SMC1B: variants seen among roughly 807,000 people sequenced by gnomAD.
The protein encoded by SMC1B is structural maintenance of chromosomes 1B, also known as structural maintenance of chromosomes protein 1B.
Under a neutral mutation model 157.9 loss-of-function variants are expected in SMC1B, and 60 were observed. The observed-to-expected ratio is 0.38, with a 90% CI of 0.31 to 0.47. The LOEUF (loss-of-function observed/expected upper bound fraction) is 0.47. Ranked by LOEUF, SMC1B falls within the 20% of genes least tolerant of loss-of-function variation. The probability of loss-of-function intolerance (pLI) is 0.99; values close to 1 mark genes in which losing one functional copy is unlikely to be tolerated. For missense variants in SMC1B, 1,165 were observed against 1,426.2 expected (o/e 0.82, Z 2.95); for synonymous variants, 445 against 483.0 (o/e 0.92, Z 1.03).
chr22:45,372,311 A>G lies in SMC1B; in HGVS notation c.2059-19T>C, dbSNP rs775975108. On this transcript the variant is annotated intron_variant, in intron 12 of 24. Transcript: ENST00000357450. Reference sequence around the variant, plus strand: ...TTAAACCCTAAAAGGAAAGAAAAACATGAGAATATTTTATGATAGAAAAGC... The same window carrying G: ...TTAAACCCTAAAAGGAAAGAAAAACGTGAGAATATTTTATGATAGAAAAGC... 3 of 1,564,238 alleles carry G rather than the reference A, an allele frequency of 1.9e-6. No homozygotes were observed. Among genetic ancestry groups the G allele is most frequent in the Non-Finnish European group, 2.6e-6 (3 of 1,160,888 alleles).
chr22:45,371,249 G>C (rs890413317), intron 14 of SMC1B, among the ~76,000 whole-genome samples: 1 of 152,208 alleles, frequency 6.6e-6, no homozygotes, highest in Admixed American at 6.5e-5. Context: ...GTGCAGAGGA[G>C]AGTAGGCACA....
chr22:45,413,444 G>A lies in SMC1B; in HGVS notation c.109+15C>T, dbSNP rs200792494. The stretch of plus-strand genomic sequence containing the variant: ...GGCGGAGGCGCTCCGGTGGCGCCCT[G>A]AGCTGCTCAGTTACCAGAGCCGTTG... On this transcript the variant is annotated intron_variant, in intron 1 of 24. Transcript: ENST00000357450. The A allele has an allele frequency of 4.4e-6, 7 of 1,587,704 alleles. No homozygotes were observed. The African/African-American group carries it at 9.4e-5, about 21-fold the overall frequency.
At chr22:45,364,276 C>G (rs754658960) in intron 15 of SMC1B, among the ~76,000 whole-genome samples, 4 of 152,152 alleles carry the variant, frequency 2.6e-5, no homozygotes, top group Admixed American at 6.5e-5. Context: ...ACCCTGCCCC[C>G]CCACCACACC....
intron 9 of SMC1B, among the ~76,000 whole-genome samples, chr22:45,392,967 C>T (rs2087078952): frequency 6.6e-6 from 1 of 152,242 alleles, no homozygotes; most frequent in Admixed American, 6.5e-5. Flanking sequence ...CCCTAGAGTG[C>T]TAGGATTATA....
intron 15 of SMC1B, among the ~76,000 whole-genome samples, chr22:45,365,264 T>C (rs2086764646): frequency 6.6e-6 from 1 of 152,174 alleles, no homozygotes; most frequent in Non-Finnish European, 1.5e-5. Context: ...GCCTTTGAAC[T>C]CCTAACTTGT....
chr22:45,392,677 G>A (rs1046192206), intron 9 of SMC1B, among the ~76,000 whole-genome samples: 37 of 152,010 alleles, frequency 2.4e-4, no homozygotes, highest in African/African-American at 7.7e-4. Flanking sequence ...AACCATGAAA[G>A]TGTGGATATG....
intron 22 of SMC1B, among the ~76,000 whole-genome samples, chr22:45,350,183 G>T (rs1331281623): frequency 6.6e-6 from 1 of 151,514 alleles, no homozygotes; most frequent in Non-Finnish European, 1.5e-5. Context: ...CTGGCCTCAG[G>T]GTTTTAAATA....
Position 45,344,370 on chromosome 22 carries a change from C to G in SMC1B, c.*186G>C. 2.4e-6 allele frequency: 1 copy of G among 415,544 alleles called. No homozygotes were observed. Among genetic ancestry groups the G allele is most frequent in the Non-Finnish European group, 4.3e-6 (1 of 232,036 alleles). The allele number at this position is 415,544 out of a possible 1,614,324, so 25.7% of individuals were successfully genotyped here. Reference sequence around the variant, plus strand: ...CACCAGCTCTCACTGAAAACTTTCCCTACTAGAATGAGGTCTGAACACTCA... The same window carrying G: ...CACCAGCTCTCACTGAAAACTTTCCGTACTAGAATGAGGTCTGAACACTCA... On this transcript the variant is annotated 3_prime_UTR_variant, in exon 25 of 25. Coordinates refer to ENST00000357450, the MANE Select transcript of SMC1B (RefSeq NM_148674.5).
chr22:45,378,672 T>C (rs899261661), intron 12 of SMC1B, among the ~76,000 whole-genome samples: 1 of 152,154 alleles, frequency 6.6e-6, no homozygotes, highest in Non-Finnish European at 1.5e-5. Flanking sequence ...AACTAAACAC[T>C]TAACCTTTCC....
At chr22:45,356,175 A>G (rs1419050081) in intron 19 of SMC1B, among the ~76,000 whole-genome samples, 1 of 151,934 alleles carries the variant, frequency 6.6e-6, no homozygotes. Flanking sequence ...TTTTTTTTGT[A>G]ATGCAGCACA....
Position 45,399,190 on chromosome 22 carries a change from G to C in SMC1B, c.1018C>G (p.Leu340Val), listed in dbSNP as rs1208153882. The C allele has an allele frequency of 1.2e-6, 2 of 1,613,876 alleles. No individual in the cohort carries two copies. The highest frequency in any genetic ancestry group is 1.3e-5 in the African/African-American group (1 of 74,886). Residue 340 changes from leucine to valine, a missense_variant, in exon 6 of 25, where the codon CTG (leucine) becomes GTG (valine). Transcript: ENST00000357450. Reference protein sequence around the residue: ...EDDIKALETELADLDAAWRSF... With the variant: ...EDDIKALETEVADLDAAWRSF... ...CTCCATGCAGCATCTAAATCAGCCA[G>C]CTCTGTCTCCAGGGCTTTTATATCA...
Position 45,403,872 on chromosome 22 carries a change from C to A in SMC1B, c.616-1301G>T, listed in dbSNP as rs141913977. ...CTCTGATCTTTTTTCTTCTCTTGCC[C>A]AAATTTCTATCTAAGGAGCCTGGGG... On this transcript the variant is annotated intron_variant, in intron 4 of 24. Transcript: ENST00000357450. 4.0e-3 allele frequency among the ~76,000 whole-genome samples: 612 copies of A among 152,220 alleles called. 7 individuals carry two copies. The highest frequency in any genetic ancestry group is 0.014 in the African/African-American group (574 of 41,518).
In SMC1B at chr22:45,410,224, T is replaced by C. The variant is rs145246191; in HGVS notation, c.110-1326A>G. Among the ~76,000 whole-genome samples, 191 of 152,342 alleles carry C rather than the reference T, an allele frequency of 1.3e-3. 1 individual carries two copies. Among genetic ancestry groups the C allele is most frequent in the African/African-American group, 4.4e-3 (185 of 41,574 alleles). On this transcript the variant is annotated intron_variant, in intron 1 of 24. Coordinates refer to ENST00000357450, the MANE Select transcript of SMC1B (RefSeq NM_148674.5). ...AAACTATATGTAGAATCCTGTGAGT[T>C]TTCCCAACAAATTACTGAACCTAAG...
At chr22:45,353,953 G>GTAT in intron 21 of SMC1B, 25 bp downstream of exon 21, 1 of 968,976 alleles carries the variant, frequency 1.0e-6, no homozygotes. Flanking sequence ...ATTCTCACTA[G>GTAT]TATTTGAGGA....
In SMC1B at chr22:45,391,511, T is replaced by C. The variant is rs376857614; in HGVS notation, c.1546-1614A>G. 9.8e-5 allele frequency among the ~76,000 whole-genome samples: 15 copies of C among 152,350 alleles called. No homozygotes were observed. The South Asian group carries it at 1.7e-3, about 17-fold the overall frequency. ...TCTTTGTTGTTATTATATGTACCTATAGCTGCCACAGTGATTCTTTTCACT... is the reference window on the plus strand; with the variant it reads ...TCTTTGTTGTTATTATATGTACCTACAGCTGCCACAGTGATTCTTTTCACT... On this transcript the variant is annotated intron_variant, in intron 9 of 24. Transcript: ENST00000357450.
intron 4 of SMC1B, among the ~76,000 whole-genome samples, chr22:45,403,230 A>T (rs1474918978): frequency 5.9e-5 from 9 of 152,178 alleles, no homozygotes; most frequent in Non-Finnish European, 1.0e-4. Flanking sequence ...GTATATTGTG[A>T]TTATTATAGT....
At chr22:45,354,623 T>G (rs971046252) in intron 20 of SMC1B, among the ~76,000 whole-genome samples, 1 of 152,136 alleles carries the variant, frequency 6.6e-6, no homozygotes, top group African/African-American at 2.4e-5. Flanking sequence ...ACTCCTGACC[T>G]CAGATGATCC....
rs117356469 is a variant in SMC1B at position 45,401,722 on chromosome 22, T to C, written c.854+611A>G. Among the ~76,000 whole-genome samples, 11 of 152,360 alleles carry C rather than the reference T, an allele frequency of 7.2e-5. 1 individual carries two copies. The East Asian group carries it at 1.7e-3, about 24-fold the overall frequency. ...CTTCACTGTGGACCAGAAGACCCAA[T>C]TGGGAGCCCCTCTCTCTGCATGAGA... On this transcript the variant is annotated intron_variant, in intron 5 of 24. Transcript: ENST00000357450.
Position 45,355,078 on chromosome 22 carries a change from C to G in SMC1B, c.2999G>C (p.Arg1000Thr). The G allele has an allele frequency of 6.2e-7, 1 of 1,614,122 alleles. No individual in the cohort carries two copies. The highest frequency in any genetic ancestry group is 1.1e-5 in the South Asian group (1 of 91,078). ...GGATGCTACTTGCTGCAATAAGAGC[C>G]TAAGGTGGGCCTCGATTTCTTGATC... ...QSDQEIEAHLRLLLQQVASQE... is the reference protein window; with the variant it reads ...QSDQEIEAHLTLLLQQVASQE... The change falls in exon 20 of 25, where the codon AGG becomes ACG. Residue 1000 changes from arginine to threonine, a missense_variant. Arg to Thr is a moderately conservative substitution (Grantham distance 71). Coordinates refer to ENST00000357450, the MANE Select transcript of SMC1B (RefSeq NM_148674.5).
Sources: gnomAD v4.1 joint callset for allele counts (sites outside exome capture counted in the v4.1 genomes callset) on GRCh38, gnomAD v4.1.1 for gene constraint, MANE v1.5 for transcripts, NCBI Gene and HGNC (gene_info 2026-07-23, HGNC 2026-07-21) for gene names.